The following PDZD2 variants were observed in gnomAD, a reference collection of about 807,000 sequenced individuals.
PDZD2 encodes the protein PDZ domain-containing protein 2.
PDZD2 carries 90 observed loss-of-function variants against 220.7 expected under a neutral mutation model. The ratio of observed to expected loss-of-function variants is 0.41; its 90% confidence interval spans 0.34 to 0.49. The LOEUF is 0.49. Ranked by LOEUF, PDZD2 falls within the 20% of genes least tolerant of loss-of-function variation. The probability of loss-of-function intolerance (pLI) is 0.28; values close to 1 mark genes in which losing one functional copy is unlikely to be tolerated. For missense variants in PDZD2, 3,174 were observed against 3,608.5 expected (o/e 0.88, Z 3.08); for synonymous variants, 1,375 against 1,450.5 (o/e 0.95, Z 1.18).
At position 32,096,907 on chromosome 5, in the gene PDZD2, C is replaced by T. The variant is rs1477485549; in HGVS notation, c.7846-372C>T. Among the ~76,000 whole-genome samples the T allele has an allele frequency of 2.3e-5, 3 of 132,692 alleles. No homozygotes were observed. The Admixed American group carries it at 2.7e-4, about 12-fold the overall frequency. 87.1% of individuals were successfully genotyped at this position (132,692 alleles called of 152,430 possible). A position where few individuals can be genotyped will look rare whatever the true frequency, so the allele number is the denominator to read the frequency against. On this transcript the variant is annotated intron_variant, in intron 21 of 24. Coordinates refer to ENST00000438447, the MANE Select transcript of PDZD2 (RefSeq NM_178140.4). ...CTGAAGTGCAGTGGCGTGATCATGGCTCACTGCAGCCGTGACCTTCCGGGC... is the reference window on the plus strand; with the variant it reads ...CTGAAGTGCAGTGGCGTGATCATGGTTCACTGCAGCCGTGACCTTCCGGGC...
Position 32,052,558 on chromosome 5 carries a change from C to T in PDZD2, c.1666-53C>T. On this transcript the variant is annotated intron_variant, in intron 8 of 24. Transcript: ENST00000438447. Reference sequence around the variant, plus strand: ...CTGAGTGTATTTTTCTGCCAGATACCACAATAGAACAAATGAGAGTAATCT... The same window carrying T: ...CTGAGTGTATTTTTCTGCCAGATACTACAATAGAACAAATGAGAGTAATCT... 2.5e-6 allele frequency: 4 copies of T among 1,575,112 alleles called. No individual in the cohort carries two copies. In the South Asian group the frequency reaches 4.4e-5, roughly 17 times the overall value.
At chr5:32,077,223 G>T (rs1741381331) in intron 18 of PDZD2, among the ~76,000 whole-genome samples, 1 of 151,858 alleles carries the variant, frequency 6.6e-6, no homozygotes, top group Non-Finnish European at 1.5e-5. Context: ...AGCTCTATGA[G>T]TAAGACTGGG....
At chr5:31,800,374 C>T (rs75892809) in intron 2 of PDZD2, among the ~76,000 whole-genome samples, 2 of 152,134 alleles carry the variant, frequency 1.3e-5, no homozygotes, top group Admixed American at 6.5e-5. Context: ...TGTTTGACGC[C>T]AACCAGGGAC....
chr5:31,698,989 A>G (rs1048193064), intron 1 of PDZD2, among the ~76,000 whole-genome samples: 10 of 152,160 alleles, frequency 6.6e-5, no homozygotes, highest in African/African-American at 2.4e-4. Flanking sequence ...GACCCTGGCC[A>G]TGAACCTGCT....
chr5:31,736,132 A>G (rs958540187), intron 1 of PDZD2, among the ~76,000 whole-genome samples: 9 of 152,246 alleles, frequency 5.9e-5, no homozygotes, highest in African/African-American at 1.9e-4. Flanking sequence ...GTTTTCAGCT[A>G]TTCACTGGGT....
chr5:31,845,661 C>T (rs1175730937), intron 2 of PDZD2, among the ~76,000 whole-genome samples: 2 of 152,192 alleles, frequency 1.3e-5, no homozygotes, highest in African/African-American at 4.8e-5. Context: ...AGCACTGGTT[C>T]CAGGTAGACT....
chr5:31,800,872 G>A (rs760639926), intron 2 of PDZD2, among the ~76,000 whole-genome samples: 1 of 152,176 alleles, frequency 6.6e-6, no homozygotes, highest in Non-Finnish European at 1.5e-5. Context: ...CTTGAGAAAC[G>A]TAGTGACCTT....
At chr5:31,856,740 A>G (rs1390197320) in intron 2 of PDZD2, among the ~76,000 whole-genome samples, 3 of 151,942 alleles carry the variant, frequency 2.0e-5, no homozygotes, top group African/African-American at 7.3e-5. Flanking sequence ...CTGGGACATC[A>G]AGGTCGCTTA....
intron 1 of PDZD2, among the ~76,000 whole-genome samples, chr5:31,782,104 C>T (rs183609370): frequency 1.4e-4 from 22 of 152,162 alleles, no homozygotes; most frequent in African/African-American, 4.6e-4. Context: ...GTAGGGGTGC[C>T]GGCTGGGATT....
intron 2 of PDZD2, among the ~76,000 whole-genome samples, chr5:31,876,971 CTA>C (rs2150330863): frequency 6.6e-6 from 1 of 152,322 alleles, no homozygotes; most frequent in East Asian, 1.9e-4. Flanking sequence ...GCCTTGGAAA[CTA>C]TCTGTGCCTC....
intron 1 of PDZD2, among the ~76,000 whole-genome samples, chr5:31,776,970 C>T (rs1054338449): frequency 2.0e-5 from 3 of 152,250 alleles, no homozygotes; most frequent in South Asian, 2.1e-4. Flanking sequence ...TCACTCTCAG[C>T]ACCTCCTCGG....
intron 1 of PDZD2, among the ~76,000 whole-genome samples, chr5:31,766,078 G>C (rs906407079): frequency 6.6e-6 from 1 of 152,100 alleles, no homozygotes; most frequent in Non-Finnish European, 1.5e-5. Flanking sequence ...TACTCAGGGG[G>C]CTGGGGTGGA....
At chr5:31,679,206 C>A (rs1413535610) in intron 1 of PDZD2, among the ~76,000 whole-genome samples, 1 of 152,242 alleles carries the variant, frequency 6.6e-6, no homozygotes, top group Non-Finnish European at 1.5e-5. Flanking sequence ...CTGTTCTTTT[C>A]CCTGCCCTTG....
intron 1 of PDZD2, among the ~76,000 whole-genome samples, chr5:31,641,333 G>C (rs1052011201): frequency 1.3e-5 from 2 of 152,112 alleles, no homozygotes; most frequent in African/African-American, 4.8e-5. Flanking sequence ...CCTGAAGAGT[G>C]GTCCAAATAA....
At chr5:31,919,730 A>AACGGCCAC (rs3037134) in intron 2 of PDZD2, among the ~76,000 whole-genome samples, 1 of 140,144 alleles carries the variant, frequency 7.1e-6, no homozygotes. Flanking sequence ...AAAAAAAAAA[A>AACGGCCAC]GGCCAGGCAC....
At chr5:31,883,097 A>G (rs934134876) in intron 2 of PDZD2, among the ~76,000 whole-genome samples, 4 of 150,322 alleles carry the variant, frequency 2.7e-5, no homozygotes, top group African/African-American at 7.3e-5. Flanking sequence ...CCCTGCTCTC[A>G]GGGAGCTTAT....
intron 13 of PDZD2, among the ~76,000 whole-genome samples, chr5:32,060,344 C>A (rs569024694): frequency 6.6e-5 from 10 of 152,146 alleles, no homozygotes; most frequent in Admixed American, 5.9e-4. Context: ...TATAAAGAGT[C>A]TTTGTTCTCT....
At position 32,089,008 on chromosome 5, in the gene PDZD2, C is replaced by T. The variant is rs1044485133; in HGVS notation, c.5560C>T (p.Pro1854Ser). 5 of 1,613,774 alleles carry T rather than the reference C, an allele frequency of 3.1e-6. No homozygotes were observed. The highest frequency in any genetic ancestry group is 4.2e-6 in the Non-Finnish European group (5 of 1,179,992). Reference protein sequence around the residue: ...GVTVPHSPPQPKTNLENKDLS... With the variant: ...GVTVPHSPPQSKTNLENKDLS... ...TACTGTGCCTCATAGCCCTCCTCAG[C>T]CGAAAACAAACCTGGAAAATAAGGA... Residue 1854 changes from proline to serine, a missense_variant, in exon 20 of 25, where the codon CCG becomes TCG. Physicochemically the swap from Pro to Ser is moderately conservative, Grantham distance 74. Around this residue, in one of 4 missense-constraint regions of PDZD2, gnomAD observed 1,861 missense variants for 2,001.0 expected, o/e 0.93. Coordinates refer to ENST00000438447, the MANE Select transcript of PDZD2 (RefSeq NM_178140.4).
chr5:31,647,453 T>A (rs953448557), intron 1 of PDZD2, among the ~76,000 whole-genome samples: 20 of 152,146 alleles, frequency 1.3e-4, no homozygotes, highest in African/African-American at 3.9e-4. Flanking sequence ...GAAATCAAGG[T>A]GTTGACAGGG....
Sources: allele counts gnomAD v4.1 joint callset (sites outside exome capture counted in the v4.1 genomes callset), GRCh38; gene constraint gnomAD v4.1.1; regional missense constraint gnomAD v4.1.1; transcripts MANE v1.5; gene names NCBI Gene and HGNC (gene_info 2026-07-23, HGNC 2026-07-21).